The following TENM3 variants were observed in gnomAD, a reference collection of about 807,000 sequenced individuals.
TENM3 encodes teneurin-3.
A neutral mutation model predicts 255.1 loss-of-function variants in TENM3; 63 were observed. The observed-to-expected ratio is 0.25, with a 90% CI of 0.20 to 0.30. The LOEUF is 0.30. TENM3 is among the 10% of genes least tolerant of loss of function. TENM3 has a pLI of 1.00. For synonymous variants in TENM3, 1,306 were observed against 1,322.3 expected, an observed-to-expected ratio of 0.99 and a Z score of 0.27; for missense variants, 2,929 against 3,461.1, an observed-to-expected ratio of 0.85 and a Z score of 3.86.
At chr4:182,455,572 T>C (rs1773807596) in intron 3 of TENM3, among the ~76,000 whole-genome samples, 1 of 142,336 alleles carries the variant, frequency 7.0e-6, no homozygotes, top group Non-Finnish European at 1.5e-5. Flanking sequence ...TTTTTTTTTT[T>C]TTTTTTTGAG....
chr4:181,921,695 C>T, the TENM3 span, among the ~76,000 whole-genome samples: 1 of 152,194 alleles, frequency 6.6e-6, no homozygotes, highest in Admixed American at 6.5e-5. Context: ...GACAATTTGA[C>T]TTTCTCTTTT....
the TENM3 span, among the ~76,000 whole-genome samples, chr4:182,040,819 G>GTTC: frequency 6.6e-6 from 1 of 152,004 alleles, no homozygotes; most frequent in South Asian, 2.1e-4. Flanking sequence ...TGTTGTTGTT[G>GTTC]TTGTTTGTGT....
chr4:182,500,171 T>C (rs6855864), intron 3 of TENM3, among the ~76,000 whole-genome samples: 42,139 of 152,018 alleles, frequency 0.28, 7,201 homozygotes, highest in South Asian at 0.38. Context: ...ATTTTTGGGA[T>C]TGATCAATGA....
At chr4:182,255,393 T>G (rs1015660846) in intron 1 of TENM3, among the ~76,000 whole-genome samples, 12 of 152,200 alleles carry the variant, frequency 7.9e-5, no homozygotes, top group African/African-American at 1.2e-4. Flanking sequence ...GAGGTTCTTA[T>G]TGTAAGGTAA....
At chr4:182,433,603 A>G (rs1304092157) in intron 3 of TENM3, among the ~76,000 whole-genome samples, 3 of 152,184 alleles carry the variant, frequency 2.0e-5, no homozygotes, top group Non-Finnish European at 4.4e-5. Context: ...CGTCAAGTGC[A>G]AGATAAAACT....
At chr4:182,147,000 A>C (rs1329212347) in intron 1 of TENM3, among the ~76,000 whole-genome samples, 1 of 152,176 alleles carries the variant, frequency 6.6e-6, no homozygotes, top group African/African-American at 2.4e-5. Flanking sequence ...GGTGAAGACA[A>C]AGAAAGATAA....
chr4:182,722,990 A>G (rs1008719722), intron 13 of TENM3, among the ~76,000 whole-genome samples: 1 of 152,246 alleles, frequency 6.6e-6, no homozygotes, highest in African/African-American at 2.4e-5. Context: ...GGAACCATTC[A>G]TTGAAATAGG....
chr4:181,691,959 T>TAGG, the TENM3 span, among the ~76,000 whole-genome samples: 1 of 152,212 alleles, frequency 6.6e-6, no homozygotes, highest in African/African-American at 2.4e-5. Flanking sequence ...AACTAGGTGC[T>TAGG]TGTCTTTAAG....
chr4:181,783,581 C>CCATCCTAAAA, the TENM3 span, among the ~76,000 whole-genome samples: 5 of 152,128 alleles, frequency 3.3e-5, no homozygotes, highest in Non-Finnish European at 5.9e-5. Flanking sequence ...CTAAAAGTTC[C>CCATCCTAAAA]ATGAAAATTT....
At chr4:181,690,240 G>GCACACACACA in the TENM3 span, among the ~76,000 whole-genome samples, 364 of 150,558 alleles carry the variant, frequency 2.4e-3, 1 homozygote, top group Non-Finnish European at 4.1e-3. Flanking sequence ...GCGTGAGCGT[G>GCACACACACA]CACACACACA....
At chr4:182,737,547 G>A (rs576426928) in intron 17 of TENM3, among the ~76,000 whole-genome samples, 6 of 152,144 alleles carry the variant, frequency 3.9e-5, no homozygotes, top group East Asian at 3.9e-4. Flanking sequence ...TAGAACGGCC[G>A]GTTCATTCAA....
chr4:181,882,750 C>T, the TENM3 span, among the ~76,000 whole-genome samples: 5 of 152,246 alleles, frequency 3.3e-5, no homozygotes, highest in African/African-American at 9.6e-5. Context: ...GTAATAATTC[C>T]GCAGTCCACT....
In TENM3 at chr4:182,800,380, A is replaced by T; in HGVS notation, c.*29A>T. ...CCGGGCCGCGCCCGCCGAGCCGCTC[A>T]CGCCCTGCCCACATTGTCCTGTGGC... On this transcript the variant is annotated 3_prime_UTR_variant, in exon 28 of 28. Coordinates refer to ENST00000511685, the MANE Select transcript of TENM3 (RefSeq NM_001080477.4). 1 of 1,534,990 alleles carries T rather than the reference A, an allele frequency of 6.5e-7. No homozygotes were observed. Among genetic ancestry groups the T allele is most frequent in the Non-Finnish European group, 8.7e-7 (1 of 1,147,912 alleles).
At chr4:182,252,722 T>G (rs1758101714) in intron 1 of TENM3, among the ~76,000 whole-genome samples, 1 of 152,162 alleles carries the variant, frequency 6.6e-6, no homozygotes, top group South Asian at 2.1e-4. Context: ...CTGAGAAATT[T>G]TATACATAAA....
At chr4:181,996,962 A>G in the TENM3 span, among the ~76,000 whole-genome samples, 1 of 152,206 alleles carries the variant, frequency 6.6e-6, no homozygotes, top group Admixed American at 6.5e-5. Context: ...TGGTCTTCCT[A>G]AGCCTCCTGT....
At chr4:182,187,300 G>A (rs896184086) in intron 1 of TENM3, among the ~76,000 whole-genome samples, 1 of 152,082 alleles carries the variant, frequency 6.6e-6, no homozygotes, top group African/African-American at 2.4e-5. Flanking sequence ...ATAAACAAAA[G>A]CAAGACTATT....
chr4:182,636,010 G>A (rs76376768), intron 5 of TENM3, among the ~76,000 whole-genome samples: 4 of 152,102 alleles, frequency 2.6e-5, no homozygotes, highest in African/African-American at 9.6e-5. Flanking sequence ...TTTCTTTTTG[G>A]ACATGTCTTT....
the TENM3 span, among the ~76,000 whole-genome samples, chr4:182,082,450 T>C: frequency 6.6e-6 from 1 of 152,226 alleles, no homozygotes. Context: ...TGTACATTCA[T>C]GTACTCACCA....
intron 1 of TENM3, among the ~76,000 whole-genome samples, chr4:182,210,476 A>G (rs1391747003): frequency 6.6e-6 from 1 of 151,956 alleles, no homozygotes; most frequent in Non-Finnish European, 1.5e-5. Context: ...TATTTTAATC[A>G]AATTATTTTT....
Sources: gnomAD v4.1 joint callset for allele counts (sites outside exome capture counted in the v4.1 genomes callset) on GRCh38, gnomAD v4.1.1 for gene constraint, MANE v1.5 for transcripts, NCBI Gene and HGNC (gene_info 2026-07-23, HGNC 2026-07-21) for gene names.